The following CLEC16A variants were observed in gnomAD, a reference collection of about 807,000 sequenced individuals.
The protein encoded by CLEC16A is C-type lectin domain containing 16A, also known as protein CLEC16A.
Under a neutral mutation model 109.5 loss-of-function variants are expected in CLEC16A, and 51 were observed. The ratio of observed to expected loss-of-function variants is 0.47; its 90% CI spans 0.37 to 0.59. The LOEUF (loss-of-function observed/expected upper bound fraction) is 0.59, where lower values mean the gene tolerates loss of function less well. CLEC16A is among the 20% of genes least tolerant of loss of function. The probability of loss-of-function intolerance (pLI) is 0.00; values close to 1 mark genes in which losing one functional copy is unlikely to be tolerated. For synonymous variants in CLEC16A, 673 were observed against 564.2 expected (o/e 1.19, Z -2.73); for missense variants, 1,339 against 1,394.0 (o/e 0.96, Z 0.63).
rs142749194 is a variant in CLEC16A at position 10,948,185 on chromosome 16, A to G, written c.80+3388A>G. On this transcript the variant is annotated intron_variant, in intron 1 of 23. Transcript: ENST00000409790. ...TGGGATTACAGGCATGAGCCACTGC[A>G]CCCGGCCTAGACTTTACTTTTTTAG... 6.1e-3 allele frequency among the ~76,000 whole-genome samples: 934 copies of G among 152,234 alleles called. 5 individuals are homozygous for G. The highest frequency in any genetic ancestry group is 8.9e-3 in the Non-Finnish European group (603 of 68,018).
At chr16:10,997,029 A>T (rs2044370202) in intron 10 of CLEC16A, among the ~76,000 whole-genome samples, 1 of 152,200 alleles carries the variant, frequency 6.6e-6, no homozygotes, top group Non-Finnish European at 1.5e-5. Context: ...TGGCACGACC[A>T]CAGCTCACTG....
chr16:11,145,164 G>C (rs1184685470), intron 22 of CLEC16A, among the ~76,000 whole-genome samples: 1 of 152,188 alleles, frequency 6.6e-6, no homozygotes, highest in Non-Finnish European at 1.5e-5. Flanking sequence ...CCTGGACTTG[G>C]TTGGAGGGCC....
chr16:11,053,916 G>C (rs1175845731), intron 18 of CLEC16A, among the ~76,000 whole-genome samples: 1 of 152,272 alleles, frequency 6.6e-6, no homozygotes, highest in Non-Finnish European at 1.5e-5. Context: ...AAAGTGGGAA[G>C]AGACAGTGGC....
At chr16:11,106,113 G>A (rs1174457828) in intron 19 of CLEC16A, among the ~76,000 whole-genome samples, 2 of 152,194 alleles carry the variant, frequency 1.3e-5, no homozygotes, top group Non-Finnish European at 2.9e-5. Flanking sequence ...ATACTGACCA[G>A]TCACCTTGTG....
chr16:11,006,038 T>A (rs1195469320), intron 11 of CLEC16A, among the ~76,000 whole-genome samples: 2 of 152,182 alleles, frequency 1.3e-5, no homozygotes, highest in Non-Finnish European at 2.9e-5. Context: ...CAGACTGGCT[T>A]AAGCAAAGAG....
At chr16:11,153,833 A>AT (rs2054394011) in intron 22 of CLEC16A, among the ~76,000 whole-genome samples, 1 of 152,180 alleles carries the variant, frequency 6.6e-6, no homozygotes, top group Non-Finnish European at 1.5e-5. Flanking sequence ...AGCTAGGGTG[A>AT]TTTTTAATGT....
At chr16:10,971,758 T>TC in intron 5 of CLEC16A, among the ~76,000 whole-genome samples, 1 of 152,218 alleles carries the variant, frequency 6.6e-6, no homozygotes, top group East Asian at 1.9e-4. Flanking sequence ...AAAAAGCCAT[T>TC]CCCCCACTCT....
At position 11,078,626 on chromosome 16, in the gene CLEC16A, C is replaced by T. The variant is rs569839657; in HGVS notation, c.2116+17604C>T. Among the ~76,000 whole-genome samples the T allele has an allele frequency of 5.9e-5, 9 of 152,304 alleles. No homozygotes were observed. In the East Asian group the frequency reaches 1.7e-3, roughly 29 times the overall value. On this transcript the variant is annotated intron_variant, in intron 19 of 23. Transcript: ENST00000409790. ...TGACATTTCTCAATGAGGAGTGGGT[C>T]CGGCACAGCCAGTCTGAACTGCAGG...
intron 19 of CLEC16A, among the ~76,000 whole-genome samples, chr16:11,085,135 A>G (rs1160248174): frequency 6.6e-6 from 1 of 152,216 alleles, no homozygotes; most frequent in East Asian, 1.9e-4. Context: ...CCTCTGTGCC[A>G]CCCTTCTCGG....
At chr16:11,142,961 C>A (rs545436269) in intron 22 of CLEC16A, among the ~76,000 whole-genome samples, 1 of 152,314 alleles carries the variant, frequency 6.6e-6, no homozygotes, top group Non-Finnish European at 1.5e-5. Flanking sequence ...CAGGCGCCTG[C>A]CACCACGCCT....
At chr16:11,074,151 C>T (rs2049221250) in intron 19 of CLEC16A, among the ~76,000 whole-genome samples, 1 of 138,462 alleles carries the variant, frequency 7.2e-6, no homozygotes, top group Admixed American at 6.9e-5. Context: ...CTCTTTTCTT[C>T]TCTTTTTTTT....
chr16:11,069,658 T>G (rs2048956465), intron 19 of CLEC16A, among the ~76,000 whole-genome samples: 1 of 151,704 alleles, frequency 6.6e-6, no homozygotes, highest in Non-Finnish European at 1.5e-5. Context: ...CCCAGGCTGG[T>G]CTCAAGTTCC....
In CLEC16A at chr16:11,177,338, T is replaced by C. The variant is rs2068789853; in HGVS notation, c.2807-997T>C. 2.0e-5 allele frequency among the ~76,000 whole-genome samples: 3 copies of C among 152,176 alleles called. No individual in the cohort carries two copies. In the South Asian group the frequency reaches 6.2e-4, roughly 32 times the overall value. ...GAAAAGGGCCGGGCACGGTGGCTCA[T>C]GCCTGTAATCCCAGCACTTTGGGAG... On this transcript the variant is annotated intron_variant, in intron 23 of 23. Transcript: ENST00000409790.
intron 19 of CLEC16A, among the ~76,000 whole-genome samples, chr16:11,110,334 A>G (rs1365861124): frequency 6.6e-6 from 1 of 152,166 alleles, no homozygotes; most frequent in Non-Finnish European, 1.5e-5. Flanking sequence ...ACAGTCAAGA[A>G]TGACAGGCAC....
intron 10 of CLEC16A, among the ~76,000 whole-genome samples, chr16:10,989,123 A>G (rs2043844549): frequency 6.6e-6 from 1 of 152,230 alleles, no homozygotes; most frequent in Non-Finnish European, 1.5e-5. Context: ...ATGGTAGGTG[A>G]AGCCCTCTGT....
intron 19 of CLEC16A, among the ~76,000 whole-genome samples, chr16:11,088,909 C>G (rs2050154538): frequency 6.6e-6 from 1 of 152,174 alleles, no homozygotes; most frequent in African/African-American, 2.4e-5. Context: ...AACATATTCA[C>G]ATTGTAAAAG....
intron 7 of CLEC16A, among the ~76,000 whole-genome samples, chr16:10,975,217 T>A (rs1256085513): frequency 6.6e-6 from 1 of 152,088 alleles, no homozygotes; most frequent in Non-Finnish European, 1.5e-5. Context: ...TAATCCCAGC[T>A]ACCAGGGAGG....
At chr16:11,150,889 A>G (rs561326146) in intron 22 of CLEC16A, among the ~76,000 whole-genome samples, 1 of 152,272 alleles carries the variant, frequency 6.6e-6, no homozygotes, top group Non-Finnish European at 1.5e-5. Context: ...GGCTCATAGA[A>G]GTATCACCCC....
At chr16:11,171,927 TACAC>T (rs1174018287) in intron 23 of CLEC16A, among the ~76,000 whole-genome samples, 15 of 134,980 alleles carry the variant, frequency 1.1e-4, no homozygotes, top group South Asian at 2.4e-4. Context: ...CCAGTACACA[TACAC>T]ACTCACACAT....
Sources: allele counts gnomAD v4.1 joint callset (sites outside exome capture counted in the v4.1 genomes callset), GRCh38; gene constraint gnomAD v4.1.1; transcripts MANE v1.5; gene names NCBI Gene and HGNC (gene_info 2026-07-23, HGNC 2026-07-21).